The following SNX29 variants were observed in gnomAD, a reference collection of about 807,000 sequenced individuals.
SNX29 encodes the protein sorting nexin-29.
Under a neutral mutation model 102.1 loss-of-function variants are expected in SNX29, and 78 were observed. The ratio of observed to expected loss-of-function variants is 0.76; its 90% CI spans 0.64 to 0.92. SNX29 has a LOEUF of 0.92. SNX29 is among the 40% of genes least tolerant of loss of function. The pLI, the probability that SNX29 is intolerant of heterozygous loss-of-function variation, is 0.00. For synonymous variants in SNX29, 580 were observed against 414.5 expected, an observed-to-expected ratio of 1.40 and a Z score of -4.85; for missense variants, 1,280 against 1,061.7, an observed-to-expected ratio of 1.21 and a Z score of -2.86.
At chr16:12,554,462 G>A (rs1350421090) in intron 20 of SNX29, among the ~76,000 whole-genome samples, 1 of 152,218 alleles carries the variant, frequency 6.6e-6, no homozygotes, top group East Asian at 1.9e-4. Flanking sequence ...CCAGGTCCAT[G>A]GGTCCTGCAC....
At chr16:12,397,674 AC>A (rs2083769681) in intron 16 of SNX29, among the ~76,000 whole-genome samples, 1 of 152,196 alleles carries the variant, frequency 6.6e-6, no homozygotes, top group Non-Finnish European at 1.5e-5. Flanking sequence ...AAAAATATCA[AC>A]ATTTATTGAA....
intron 10 of SNX29, among the ~76,000 whole-genome samples, chr16:12,075,258 A>G (rs528415802): frequency 1.3e-5 from 2 of 152,184 alleles, no homozygotes; most frequent in South Asian, 4.1e-4. Flanking sequence ...TAGAGTTTGC[A>G]GTTTTTCTGC....
chr16:12,401,982 A>T (rs564207670), intron 17 of SNX29, among the ~76,000 whole-genome samples: 83 of 152,326 alleles, frequency 5.4e-4, no homozygotes, highest in Middle Eastern at 3.4e-3. Flanking sequence ...ACCAATCCAG[A>T]AAAGTTAATA....
intron 20 of SNX29, among the ~76,000 whole-genome samples, chr16:12,538,795 C>T (rs370860260): frequency 5.3e-5 from 8 of 152,104 alleles, no homozygotes; most frequent in South Asian, 2.1e-4. Context: ...AGGGGGATTA[C>T]AAGGCAGAAA....
chr16:12,184,085 T>C (rs2076455535), intron 13 of SNX29, among the ~76,000 whole-genome samples: 1 of 152,226 alleles, frequency 6.6e-6, no homozygotes, highest in Non-Finnish European at 1.5e-5. Context: ...AAACTTGATT[T>C]CACTTTATGG....
At chr16:12,542,541 A>G (rs1266517796) in intron 20 of SNX29, among the ~76,000 whole-genome samples, 1 of 152,202 alleles carries the variant, frequency 6.6e-6, no homozygotes, top group Non-Finnish European at 1.5e-5. Context: ...CACGTTGGCC[A>G]GGCTGATCTT....
chr16:12,409,286 T>G (rs1186596052), intron 18 of SNX29, among the ~76,000 whole-genome samples: 9 of 152,336 alleles, frequency 5.9e-5, no homozygotes, highest in Non-Finnish European at 5.9e-5. Flanking sequence ...TAACACACAT[T>G]TTGGTTTGAT....
At chr16:12,559,171 C>T (rs1429604975) in intron 20 of SNX29, among the ~76,000 whole-genome samples, 3 of 152,106 alleles carry the variant, frequency 2.0e-5, no homozygotes, top group Admixed American at 1.3e-4. Context: ...AGTCCATAGC[C>T]TGTTAGGTAC....
At chr16:12,429,643 G>A (rs1469334646) in intron 18 of SNX29, among the ~76,000 whole-genome samples, 1 of 152,140 alleles carries the variant, frequency 6.6e-6, no homozygotes, top group East Asian at 1.9e-4. Context: ...CATCTCTTGC[G>A]GTGCACAGTG....
At chr16:12,540,466 T>C (rs1026366183) in intron 20 of SNX29, among the ~76,000 whole-genome samples, 1 of 152,256 alleles carries the variant, frequency 6.6e-6, no homozygotes, top group Non-Finnish European at 1.5e-5. Flanking sequence ...TCCGTCTTAC[T>C]AGGCTACAGT....
At chr16:12,065,743 G>A (rs759638291) in intron 9 of SNX29, among the ~76,000 whole-genome samples, 2 of 152,146 alleles carry the variant, frequency 1.3e-5, no homozygotes, top group Non-Finnish European at 1.5e-5. Context: ...CGGGTTGTGT[G>A]CTGTTTGGGG....
intron 18 of SNX29, among the ~76,000 whole-genome samples, chr16:12,427,599 T>G (rs987472509): frequency 1.4e-5 from 2 of 141,974 alleles, no homozygotes; most frequent in African/African-American, 2.8e-5. Flanking sequence ...TGGTATTTAA[T>G]CAAACAACAG....
In SNX29 at chr16:12,180,511, T is replaced by TG. The variant is rs1390216552; in HGVS notation, c.1596-19090_1596-19089insG. 9.6e-3 allele frequency among the ~76,000 whole-genome samples: 1,456 copies of TG among 151,682 alleles called. 69 individuals are homozygous for TG. Among genetic ancestry groups the TG allele is most frequent in the Admixed American group, 0.085 (1,284 of 15,174 alleles). On this transcript the variant is annotated intron_variant, in intron 13 of 20. Transcript: ENST00000566228. ...GTCTCTTTTTTTTTTTGAGATGGAG[T>TG]CTTGCTCTGTCGCCCAGGCTGGAGT...
chr16:12,564,128 C>A (rs981857789), intron 20 of SNX29, among the ~76,000 whole-genome samples: 2 of 152,092 alleles, frequency 1.3e-5, no homozygotes, highest in Non-Finnish European at 2.9e-5. Flanking sequence ...GTGGATCGTG[C>A]CTATAATCCC....
Position 12,530,451 on chromosome 16 carries a change from C to T in SNX29, c.2318+5610C>T, listed in dbSNP as rs1020708373. Among the ~76,000 whole-genome samples the T allele has an allele frequency of 3.9e-5, 6 of 152,162 alleles. No individual in the cohort carries two copies. In the East Asian group the frequency reaches 5.8e-4, roughly 15 times the overall value. On this transcript the variant is annotated intron_variant, in intron 20 of 20. Coordinates refer to ENST00000566228, the MANE Select transcript of SNX29 (RefSeq NM_032167.5). ...CCCACCCCATGCACACCTACCCTTG[C>T]ACTCACTGTCAAGTCTTTTGTGTAA... is the stretch of plus-strand genomic sequence containing the variant.
At chr16:12,469,863 A>C (rs770437677) in intron 18 of SNX29, among the ~76,000 whole-genome samples, 1 of 152,142 alleles carries the variant, frequency 6.6e-6, no homozygotes, top group Non-Finnish European at 1.5e-5. Context: ...ATACAAAATT[A>C]ACCAGGCATG....
chr16:12,308,505 C>G (rs1033010072), intron 15 of SNX29, among the ~76,000 whole-genome samples: 1 of 152,162 alleles, frequency 6.6e-6, no homozygotes, highest in Non-Finnish European at 1.5e-5. Flanking sequence ...TCAGGTCACT[C>G]ATGCCAGGTG....
At chr16:12,430,079 T>C (rs929949674) in intron 18 of SNX29, among the ~76,000 whole-genome samples, 1 of 152,194 alleles carries the variant, frequency 6.6e-6, no homozygotes, top group African/African-American at 2.4e-5. Context: ...CAGATTCTCA[T>C]AGGGGCACAA....
chr16:12,154,586 G>T (rs1465724396), intron 13 of SNX29, among the ~76,000 whole-genome samples: 1 of 152,212 alleles, frequency 6.6e-6, no homozygotes, highest in Non-Finnish European at 1.5e-5. Context: ...CCTGAACTCT[G>T]TCTTTCACCC....
Sources: allele counts gnomAD v4.1 joint callset (sites outside exome capture counted in the v4.1 genomes callset), GRCh38; gene constraint gnomAD v4.1.1; transcripts MANE v1.5; gene names NCBI Gene and HGNC (gene_info 2026-07-23, HGNC 2026-07-21).